Variants in CPVL observed in about 807,000 individuals in gnomAD.
CPVL encodes probable serine carboxypeptidase CPVL.
A neutral mutation model predicts 63.7 loss-of-function variants in CPVL; 51 were observed. That is an observed-to-expected ratio of 0.80 (90% CI 0.64 to 1.01). The LOEUF (loss-of-function observed/expected upper bound fraction) is 1.01, where lower values mean the gene tolerates loss of function less well. Among genes scored for constraint, CPVL ranks in the 50% least tolerant of loss-of-function variants. The probability of loss-of-function intolerance (pLI) is 0.00; values close to 1 mark genes in which losing one functional copy is unlikely to be tolerated. For synonymous variants in CPVL, 195 were observed against 206.0 expected (o/e 0.95, Z 0.46); for missense variants, 530 against 573.1 (o/e 0.92, Z 0.77).
At chr7:29,081,917 G>A (rs1784757893) in intron 7 of CPVL, among the ~76,000 whole-genome samples, 1 of 152,206 alleles carries the variant, frequency 6.6e-6, no homozygotes, top group African/African-American at 2.4e-5. Flanking sequence ...GTTCTGAACA[G>A]CTGCTCCAGA....
At position 29,090,943 on chromosome 7, in the gene CPVL, A is replaced by G. The variant is rs186413394; in HGVS notation, c.542+1680T>C. Among the ~76,000 whole-genome samples, 22 of 152,324 alleles carry G rather than the reference A, an allele frequency of 1.4e-4. No homozygotes were observed. The East Asian group carries it at 3.7e-3, about 25-fold the overall frequency. ...AAGCTCCACTCTTTAAACCTGTAGT[A>G]GCCCATTTGCAGGTTTTGAAGCGAC... On this transcript the variant is annotated intron_variant, in intron 6 of 12. Coordinates refer to ENST00000265394, the MANE Select transcript of CPVL (RefSeq NM_031311.5).
chr7:29,018,560 G>A (rs547856942), intron 12 of CPVL, among the ~76,000 whole-genome samples: 5 of 151,956 alleles, frequency 3.3e-5, no homozygotes, highest in Admixed American at 3.3e-4. Flanking sequence ...TGTATTTTTA[G>A]TAGAGATGAA....
intron 4 of CPVL, among the ~76,000 whole-genome samples, chr7:29,182,417 G>A (rs1042646196): frequency 1.8e-4 from 27 of 152,186 alleles, no homozygotes; most frequent in Non-Finnish European, 3.5e-4. Flanking sequence ...AGCAGAATAG[G>A]GCTATGGGGA....
intron 5 of CPVL, among the ~76,000 whole-genome samples, chr7:29,161,030 TTTC>T (rs1373809821): frequency 2.6e-5 from 4 of 152,156 alleles, no homozygotes; most frequent in Non-Finnish European, 5.9e-5. Context: ...TCACCCTTCT[TTTC>T]AACTCTATAA....
At chr7:29,152,770 G>A (rs1282829380) in intron 5 of CPVL, among the ~76,000 whole-genome samples, 1 of 152,220 alleles carries the variant, frequency 6.6e-6, no homozygotes, top group African/African-American at 2.4e-5. Flanking sequence ...GCACCCCATT[G>A]TTAAGTTTCT....
At chr7:29,136,093 T>C (rs1226206032) in intron 1 of CPVL, among the ~76,000 whole-genome samples, 2 of 152,168 alleles carry the variant, frequency 1.3e-5, no homozygotes, top group Non-Finnish European at 2.9e-5. Context: ...AACAGTTATA[T>C]TTAAAGAGCA....
intron 7 of CPVL, among the ~76,000 whole-genome samples, chr7:29,084,797 T>C (rs994036288): frequency 7.2e-5 from 11 of 152,222 alleles, no homozygotes; most frequent in African/African-American, 2.2e-4. Context: ...TATAGGTGTG[T>C]AGTGAGATAC....
chr7:29,174,301 A>G (rs1293943202), intron 5 of CPVL, among the ~76,000 whole-genome samples: 1 of 152,188 alleles, frequency 6.6e-6, no homozygotes, highest in Non-Finnish European at 1.5e-5. Flanking sequence ...GTCTTTCCAT[A>G]TTTTGGTATG....
intron 7 of CPVL, among the ~76,000 whole-genome samples, chr7:29,075,519 TAAA>T (rs10658501): frequency 7.8e-6 from 1 of 128,976 alleles, no homozygotes. Flanking sequence ...AGATACTTCT[TAAA>T]AAAAAAAAAA....
intron 1 of CPVL, among the ~76,000 whole-genome samples, chr7:29,131,556 G>A (rs1296116621): frequency 6.6e-6 from 1 of 151,936 alleles, no homozygotes; most frequent in Non-Finnish European, 1.5e-5. Context: ...TTGAGACACG[G>A]TCTCACTCTG....
chr7:29,065,627 A>C (rs995966269), intron 10 of CPVL, among the ~76,000 whole-genome samples: 6 of 152,212 alleles, frequency 3.9e-5, no homozygotes, highest in African/African-American at 1.4e-4. Context: ...GGCAGTTTTG[A>C]TTATCCAAGC....
At chr7:29,135,609 G>T (rs1339717269) in intron 1 of CPVL, among the ~76,000 whole-genome samples, 3 of 152,028 alleles carry the variant, frequency 2.0e-5, no homozygotes, top group African/African-American at 7.2e-5. Context: ...TTGGATTAGA[G>T]GTGTAAGCCA....
At chr7:29,088,057 G>A (rs1785389953) in intron 6 of CPVL, among the ~76,000 whole-genome samples, 1 of 152,160 alleles carries the variant, frequency 6.6e-6, no homozygotes, top group Non-Finnish European at 1.5e-5. Context: ...TTGTTGGAAT[G>A]GCAGGAGATA....
intron 1 of CPVL, chr7:29,124,890 GA>G (rs1338181917): frequency 4.6e-5 from 7 of 152,036 alleles, no homozygotes; most frequent in Non-Finnish European, 1.0e-4. Context: ...AGACATGGCA[GA>G]AAAAGTGCTT....
chr7:29,184,283 T>C (rs1798446303), intron 4 of CPVL: 1 of 150,884 alleles, frequency 6.6e-6, no homozygotes, highest in Admixed American at 6.6e-5. Flanking sequence ...ATATATGATA[T>C]ATATATTTAG....
intron 1 of CPVL, among the ~76,000 whole-genome samples, chr7:29,129,293 G>T (rs918495127): frequency 2.0e-5 from 3 of 152,188 alleles, no homozygotes; most frequent in African/African-American, 7.2e-5. Flanking sequence ...CTAAGGGAAA[G>T]AAAAGAAGTA....
At chr7:29,118,492 G>A (rs992246313) in intron 2 of CPVL, among the ~76,000 whole-genome samples, 3 of 152,204 alleles carry the variant, frequency 2.0e-5, no homozygotes, top group Non-Finnish European at 4.4e-5. Context: ...CTTCTCTTGT[G>A]AGGTAAAAAT....
At chr7:28,996,549 CAAAAA>C (rs549584191) in intron 12 of CPVL, among the ~76,000 whole-genome samples, 1 of 113,566 alleles carries the variant, frequency 8.8e-6, no homozygotes, top group African/African-American at 2.9e-5. Flanking sequence ...AACCAAAAAA[CAAAAA>C]AAAAAAAAAC....
At chr7:29,030,920 T>C (rs1162623049) in intron 11 of CPVL, among the ~76,000 whole-genome samples, 161 bp from the exon 12 acceptor site, 1 of 152,192 alleles carries the variant, frequency 6.6e-6, no homozygotes, top group Non-Finnish European at 1.5e-5. Context: ...CGAAATAAAC[T>C]CAAGCCTTGT....
Sources: gnomAD v4.1 joint callset for allele counts (sites outside exome capture counted in the v4.1 genomes callset) on GRCh38, gnomAD v4.1.1 for gene constraint, MANE v1.5 for transcripts, NCBI Gene and HGNC (gene_info 2026-07-23, HGNC 2026-07-21) for gene names.